The following BAZ1A variants were observed in gnomAD, a reference collection of about 807,000 sequenced individuals.
The protein encoded by BAZ1A is bromodomain adjacent to zinc finger domain 1A.
Under a neutral mutation model 185.2 loss-of-function variants are expected in BAZ1A, and 50 were observed. That is an observed-to-expected ratio of 0.27 (90% CI 0.22 to 0.34). The LOEUF (loss-of-function observed/expected upper bound fraction) is 0.34. Among genes scored for constraint, BAZ1A ranks in the 10% least tolerant of loss-of-function variants. The pLI is 1.00. For synonymous variants in BAZ1A, 571 were observed against 615.6 expected, an observed-to-expected ratio of 0.93 and a Z score of 1.07; for missense variants, 1,356 against 1,839.9, an observed-to-expected ratio of 0.74 and a Z score of 4.81.
chr14:34,772,705 C>A (rs948372141), intron 20 of BAZ1A, among the ~76,000 whole-genome samples: 3 of 152,054 alleles, frequency 2.0e-5, no homozygotes, highest in Non-Finnish European at 2.9e-5. Context: ...GCTTTGAAGT[C>A]CTGGGGTACA....
At chr14:34,855,414 T>C (rs1566599000) in intron 3 of BAZ1A, among the ~76,000 whole-genome samples, 2 of 152,168 alleles carry the variant, frequency 1.3e-5, no homozygotes, top group South Asian at 2.1e-4. Context: ...TCTTCAACCA[T>C]ACAGCAGCAC....
chr14:34,825,727 C>G (rs2138715089), intron 4 of BAZ1A, among the ~76,000 whole-genome samples: 1 of 152,086 alleles, frequency 6.6e-6, no homozygotes, highest in East Asian at 1.9e-4. Flanking sequence ...CACCTGAGGT[C>G]AGGAGTTTGA....
intron 4 of BAZ1A, among the ~76,000 whole-genome samples, chr14:34,813,991 C>T (rs1274597464): frequency 4.7e-5 from 7 of 150,050 alleles, no homozygotes; most frequent in Non-Finnish European, 8.9e-5. Flanking sequence ...TGCAGTGAGC[C>T]GAGGTCGCAC....
At chr14:34,798,784 C>T (rs1268407497) in intron 9 of BAZ1A, among the ~76,000 whole-genome samples, 1 of 152,128 alleles carries the variant, frequency 6.6e-6, no homozygotes, top group African/African-American at 2.4e-5. Context: ...ACACCGTTGG[C>T]TGGAGTGTAA....
At chr14:34,793,619 T>C (rs1248909032) in intron 11 of BAZ1A, among the ~76,000 whole-genome samples, 1 of 151,932 alleles carries the variant, frequency 6.6e-6, no homozygotes, top group East Asian at 1.9e-4. Flanking sequence ...CCATCCTGGC[T>C]AACATGGTGA....
chr14:34,853,309 A>G (rs892758231), intron 3 of BAZ1A, among the ~76,000 whole-genome samples: 2 of 152,226 alleles, frequency 1.3e-5, no homozygotes, highest in African/African-American at 2.4e-5. Flanking sequence ...CAACTAAATA[A>G]TAACTAAATC....
chr14:34,760,999 C>T (rs1484532579), intron 24 of BAZ1A, among the ~76,000 whole-genome samples: 1 of 151,962 alleles, frequency 6.6e-6, no homozygotes, highest in African/African-American at 2.4e-5. Context: ...ACAACTGAGG[C>T]CAGGCGCGGT....
At chr14:34,863,550 C>G (rs989592593) in intron 2 of BAZ1A, among the ~76,000 whole-genome samples, 3 of 152,094 alleles carry the variant, frequency 2.0e-5, no homozygotes, top group Non-Finnish European at 2.9e-5. Context: ...TTGTGATCCA[C>G]CTGCCTCGGC....
intron 4 of BAZ1A, among the ~76,000 whole-genome samples, chr14:34,819,499 G>A (rs1184135156): frequency 6.6e-6 from 1 of 152,194 alleles, no homozygotes; most frequent in Non-Finnish European, 1.5e-5. Context: ...ATATACCCAT[G>A]TGAGTTTAAA....
chr14:34,767,255 A>C (rs1281798172), intron 21 of BAZ1A, among the ~76,000 whole-genome samples: 6 of 152,152 alleles, frequency 3.9e-5, no homozygotes, highest in Non-Finnish European at 5.9e-5. Flanking sequence ...AACTGTATCT[A>C]ACGTCTAATT....
At position 34,762,239 on chromosome 14, in the gene BAZ1A, GA is replaced by G; in HGVS notation, c.3777-17del. On this transcript the variant is annotated splice_polypyrimidine_tract_variant and intron_variant, in intron 23 of 26. Transcript: ENST00000360310. ...TTTGGGTAGGCTATAAATATTGTTA[GA>G]AAACACAATTATTGTACAGAGCAAT... 1.9e-6 allele frequency: 3 copies of G among 1,606,044 alleles called. No homozygotes were observed. Among genetic ancestry groups the G allele is most frequent in the Non-Finnish European group, 1.7e-6 (2 of 1,174,142 alleles).
At chr14:34,790,218 G>T (rs1445630199) in intron 12 of BAZ1A, among the ~76,000 whole-genome samples, 1 of 150,660 alleles carries the variant, frequency 6.6e-6, no homozygotes, top group Non-Finnish European at 1.5e-5. Flanking sequence ...TCCCAGGATG[G>T]CATGCAGTGG....
intron 2 of BAZ1A, among the ~76,000 whole-genome samples, chr14:34,863,975 C>T (rs1323652961): frequency 6.6e-6 from 1 of 151,876 alleles, no homozygotes; most frequent in Non-Finnish European, 1.5e-5. Context: ...AGGTGCACAC[C>T]AGGACACTCA....
At chr14:34,851,903 G>C (rs1276051366) in intron 3 of BAZ1A, among the ~76,000 whole-genome samples, 1 of 150,966 alleles carries the variant, frequency 6.6e-6, no homozygotes, top group Non-Finnish European at 1.5e-5. Context: ...TGAGGCGGGC[G>C]GATCACGAGG....
chr14:34,814,558 T>C (rs2041977868), intron 4 of BAZ1A, among the ~76,000 whole-genome samples: 1 of 151,896 alleles, frequency 6.6e-6, no homozygotes, highest in Non-Finnish European at 1.5e-5. Context: ...TGCTTCAACC[T>C]CCCAGGCTCA....
At chr14:34,845,831 A>G (rs2042501298) in intron 3 of BAZ1A, among the ~76,000 whole-genome samples, 3 of 150,332 alleles carry the variant, frequency 2.0e-5, no homozygotes, top group Admixed American at 2.0e-4. Flanking sequence ...ACTGCACTAC[A>G]GCCTGGCGAC....
At chr14:34,786,483 A>G in intron 12 of BAZ1A, 1 of 339,924 alleles carries the variant, frequency 2.9e-6, no homozygotes, top group Non-Finnish European at 5.3e-6. Context: ...GCACATAAAC[A>G]TTCCCCCAAA....
Position 34,765,007 on chromosome 14 carries a change from G to T in BAZ1A, c.3549+14C>A, listed in dbSNP as rs1451067925. 3 of 1,613,024 alleles carry T rather than the reference G, an allele frequency of 1.9e-6. No individual in the cohort carries two copies. In the East Asian group the frequency reaches 6.7e-5, roughly 36 times the overall value. On this transcript the variant is annotated intron_variant, in intron 22 of 26. Coordinates refer to ENST00000360310, the MANE Select transcript of BAZ1A (RefSeq NM_013448.3). ...TAATGTCTCATTTCTAATCTGATAAGAAGAAAAAAATACCTTGAGCTTTGG... is the reference window on the plus strand; with the variant it reads ...TAATGTCTCATTTCTAATCTGATAATAAGAAAAAAATACCTTGAGCTTTGG...
chr14:34,857,368 G>C (rs1485288988), intron 3 of BAZ1A, among the ~76,000 whole-genome samples: 1 of 152,142 alleles, frequency 6.6e-6, no homozygotes, highest in East Asian at 1.9e-4. Flanking sequence ...TAGTTGGCAT[G>C]ATCATGTAGT....
Sources: allele counts gnomAD v4.1 joint callset (sites outside exome capture counted in the v4.1 genomes callset), GRCh38; gene constraint gnomAD v4.1.1; transcripts MANE v1.5; gene names NCBI Gene and HGNC (gene_info 2026-07-23, HGNC 2026-07-21).